The following MTR variants were observed in gnomAD, a reference collection of about 807,000 sequenced individuals.
The protein encoded by MTR is methionine synthase.
In MTR, 84 loss-of-function variants were observed where a neutral mutation model predicts 154.8. The ratio of observed to expected loss-of-function variants is 0.54; its 90% CI spans 0.45 to 0.65. The LOEUF (loss-of-function observed/expected upper bound fraction) is 0.65, where lower values mean the gene tolerates loss of function less well. Ranked by LOEUF, MTR falls within the 30% of genes least tolerant of loss-of-function variation. The pLI is 0.00. For missense variants in MTR, 1,275 were observed against 1,570.2 expected, an observed-to-expected ratio of 0.81 and a Z score of 3.18; for synonymous variants, 554 against 553.9, an observed-to-expected ratio of 1.00 and a Z score of 0.00.
rs148897041 is a variant in MTR at position 236,859,861 on chromosome 1, T to C, written c.1982T>C (p.Ile661Thr). ...CAAGGCACAGGAGGGAAGAAAGTCA[T>C]TCAGACTGATGAGTGGAGAAATGGC... The part of the protein sequence containing the change: ...QTQGTGGKKV[I>T]QTDEWRNGPV... The change falls in exon 19 of 33, where the codon ATT (isoleucine) becomes ACT (threonine). Residue 661 changes from isoleucine to threonine, a missense_variant. Coordinates refer to ENST00000366577, the MANE Select transcript of MTR (RefSeq NM_000254.3). 185 of 1,614,018 alleles carry C rather than the reference T, an allele frequency of 1.1e-4. No homozygotes were observed. Among genetic ancestry groups the C allele is most frequent in the Non-Finnish European group, 1.4e-4 (167 of 1,179,910 alleles).
chr1:236,835,749 C>A, intron 14 of MTR, 62 bp downstream of exon 14: 2 of 1,600,732 alleles, frequency 1.2e-6, no homozygotes, highest in South Asian at 1.1e-5. Context: ...CTCATTTAAC[C>A]GTGCCAGTTG....
At chr1:236,889,981 C>G (rs559976637) in intron 28 of MTR, among the ~76,000 whole-genome samples, 1 of 152,118 alleles carries the variant, frequency 6.6e-6, no homozygotes, top group Admixed American at 6.5e-5. Flanking sequence ...CTTCTCACTT[C>G]TAGCCTTACC....
chr1:236,862,274 C>T lies in MTR; in HGVS notation c.2235C>T (p.Gly745=), dbSNP rs1453742538. ...CCCGGGTTATGAAGAAGGCTGTTGG[C>T]CACCTTATCCCTTTCATGGAAAAAG... ...KSARVMKKAV[G]HLIPFMEKER... is the part of the protein sequence containing the mutation. The change falls in exon 21 of 33, where the codon GGC becomes GGT. Residue 745 remains glycine (G), a synonymous_variant. Transcript: ENST00000366577. 15 of 1,613,976 alleles carry T rather than the reference C, an allele frequency of 9.3e-6. No homozygotes were observed. The Admixed American group carries it at 2.3e-4, about 25-fold the overall frequency.
intron 8 of MTR, among the ~76,000 whole-genome samples, chr1:236,817,626 A>G (rs1338908762): frequency 6.6e-6 from 1 of 152,204 alleles, no homozygotes; most frequent in Admixed American, 6.5e-5. Context: ...AACTCGCCCA[A>G]GGTGAAGTAA....
At position 236,803,642 on chromosome 1, in the gene MTR, G is replaced by A; in HGVS notation, c.249G>A (p.Lys83=). 1 of 1,613,204 alleles carries A rather than the reference G, an allele frequency of 6.2e-7. No homozygotes were observed. Among genetic ancestry groups the A allele is most frequent in the Non-Finnish European group, 8.5e-7 (1 of 1,179,330 alleles). Residue 83 remains lysine (K), a splice_region_variant and synonymous_variant, in exon 2 of 33, where the codon AAG becomes AAA. Transcript: ENST00000366577. ...TQPDVIYQIH[K]EYLLAGADII... Reference sequence around the variant, plus strand: ...CTGATGTCATTTACCAAATCCATAAGGTAAAGTATTCCCAGGTTCCCATGT... The same window carrying A: ...CTGATGTCATTTACCAAATCCATAAAGTAAAGTATTCCCAGGTTCCCATGT...
At chr1:236,854,064 G>A (rs991263597) in intron 18 of MTR, among the ~76,000 whole-genome samples, 24 of 152,212 alleles carry the variant, frequency 1.6e-4, no homozygotes, top group Non-Finnish European at 3.4e-4. Flanking sequence ...CTTTGTTAAT[G>A]TTTTCCATGT....
At chr1:236,871,661 A>C (rs1000672678) in intron 22 of MTR, among the ~76,000 whole-genome samples, 14 of 152,110 alleles carry the variant, frequency 9.2e-5, no homozygotes, top group African/African-American at 3.4e-4. Context: ...CAATATGTTA[A>C]AAAGAAAAAA....
rs374837241 is a variant in MTR at position 236,795,778 on chromosome 1, T to A, written c.34+41T>A. The A allele has an allele frequency of 5.0e-6, 8 of 1,613,792 alleles. No homozygotes were observed. The African/African-American group carries it at 1.1e-4, about 22-fold the overall frequency. On this transcript the variant is annotated intron_variant, in intron 1 of 32. Coordinates refer to ENST00000366577, the MANE Select transcript of MTR (RefSeq NM_000254.3). The stretch of plus-strand genomic sequence containing the variant: ...CGTCTGCGTGGTTGGGTTGTGTTTC[T>A]TAACTCGTGCTGTGGCCTCCTAATC...
chr1:236,814,753 T>C (rs767492439), intron 6 of MTR, among the ~76,000 whole-genome samples: 8 of 152,196 alleles, frequency 5.3e-5, no homozygotes, highest in East Asian at 3.9e-4. Flanking sequence ...ATTTTTTGCA[T>C]TGAGTCCCAC....
chr1:236,795,718 C>G lies in MTR; in HGVS notation c.15C>G (p.Leu5=), dbSNP rs1427144967. The change falls in exon 1 of 33, where the codon CTC becomes CTG. Residue 5 remains leucine, a synonymous_variant. Transcript: ENST00000366577. MSPA[L]QDLSQPEGLK... is the part of the protein sequence containing the mutation. ...GACTCGACAACATGTCACCCGCGCT[C>G]CAAGACCTGTCGCAACCCGGTAACG... 2.5e-6 allele frequency: 4 copies of G among 1,614,090 alleles called. No individual in the cohort carries two copies. The highest frequency in any genetic ancestry group is 1.3e-5 in the African/African-American group (1 of 74,960).
At chr1:236,881,259 A>G (rs1021866601) in intron 25 of MTR, among the ~76,000 whole-genome samples, 2 of 152,208 alleles carry the variant, frequency 1.3e-5, no homozygotes, top group Non-Finnish European at 2.9e-5. Context: ...AACATCTGCT[A>G]GATATTTAAA....
rs1418326002 is a variant in MTR, at chr1:236,880,853, A to G, written c.2676+17A>G. Reference sequence around the variant, plus strand: ...GTGGTGGTGGTAAGTGGGTGACCTTACATTTTATTCCAGATGTGTTGGAAA... The same window carrying G: ...GTGGTGGTGGTAAGTGGGTGACCTTGCATTTTATTCCAGATGTGTTGGAAA... On this transcript the variant is annotated intron_variant, in intron 25 of 32. Coordinates refer to ENST00000366577, the MANE Select transcript of MTR (RefSeq NM_000254.3). The G allele has an allele frequency of 2.2e-5, 35 of 1,606,914 alleles. No individual in the cohort carries two copies. Among genetic ancestry groups the G allele is most frequent in the Non-Finnish European group, 3.0e-5 (35 of 1,173,562 alleles).
At chr1:236,882,179 A>G (rs1429773999) in intron 25 of MTR, among the ~76,000 whole-genome samples, 3 of 152,220 alleles carry the variant, frequency 2.0e-5, no homozygotes, top group Non-Finnish European at 4.4e-5. Flanking sequence ...ATTGTGCTCC[A>G]TAGGAGCTTA....
intron 16 of MTR, among the ~76,000 whole-genome samples, chr1:236,851,142 C>T (rs1351077384): frequency 6.6e-6 from 1 of 152,174 alleles, no homozygotes; most frequent in African/African-American, 2.4e-5. Flanking sequence ...AATCAATACT[C>T]AACGTCACTT....
chr1:236,870,543 G>A (rs1401812177), intron 22 of MTR, among the ~76,000 whole-genome samples: 1 of 152,184 alleles, frequency 6.6e-6, no homozygotes. Flanking sequence ...CAAACTCTCA[G>A]ATAGGGCTGG....
In MTR at chr1:236,903,643, A is replaced by T. The variant is rs947254598; in HGVS notation, c.*5999A>T. On this transcript the variant is annotated 3_prime_UTR_variant, in exon 33 of 33. Coordinates refer to ENST00000366577, the MANE Select transcript of MTR (RefSeq NM_000254.3). ...GAAACAAGAACTAGACAGAGTCACA[A>T]ATGCTGTTGATCACAGACAATCTCT... 1.3e-5 allele frequency: 2 copies of T among 152,186 alleles called. No individual in the cohort carries two copies. The highest frequency in any genetic ancestry group is 4.8e-5 in the African/African-American group (2 of 41,452). The allele number at this position is 152,186 out of a possible 1,614,324, so 9.4% of individuals were successfully genotyped here. A position where few individuals can be genotyped will look rare whatever the true frequency, so the allele number is the denominator to read the frequency against.
rs989945025 is a variant in MTR at position 236,885,207 on chromosome 1, T to C, written c.2763T>C (p.Tyr921=). Residue 921 remains tyrosine (Y), a synonymous_variant, in exon 26 of 33, where the codon TAT becomes TAC. Transcript: ENST00000366577. The part of the protein sequence containing the change: ...EEYEDIRQDH[Y]ESLKERRYLP... ...ATGAAGATATTAGACAGGACCATTA[T>C]GAGTCTCTCAAGGTAAGTGGTAGAA... The C allele has an allele frequency of 3.1e-5, 49 of 1,583,560 alleles. No individual in the cohort carries two copies. The highest frequency in any genetic ancestry group is 4.1e-5 in the Non-Finnish European group (47 of 1,152,564).
intron 13 of MTR, among the ~76,000 whole-genome samples, chr1:236,833,941 C>T (rs1662761108): frequency 6.6e-6 from 1 of 152,144 alleles, no homozygotes; most frequent in African/African-American, 2.4e-5. Context: ...TCTCAGTTAG[C>T]TTTCTCCATT....
chr1:236,870,842 A>G (rs1231634503), intron 22 of MTR, among the ~76,000 whole-genome samples: 2 of 151,962 alleles, frequency 1.3e-5, no homozygotes, highest in Non-Finnish European at 2.9e-5. Context: ...TAGCAACTTC[A>G]TTTTTCTTGC....
Sources: gnomAD v4.1 joint callset for allele counts (sites outside exome capture counted in the v4.1 genomes callset) on GRCh38, gnomAD v4.1.1 for gene constraint, MANE v1.5 for transcripts, NCBI Gene and HGNC (gene_info 2026-07-23, HGNC 2026-07-21) for gene names.